Variants in PHACTR2 observed in about 807,000 individuals in gnomAD.
The protein encoded by PHACTR2 is phosphatase and actin regulator 2.
A neutral mutation model predicts 76.0 loss-of-function variants in PHACTR2; 30 were observed. That is an observed-to-expected ratio of 0.39 (90% CI 0.30 to 0.54). The LOEUF is 0.54. Ranked by LOEUF, PHACTR2 falls within the 20% of genes least tolerant of loss-of-function variation. The probability of loss-of-function intolerance (pLI) is 0.61; values close to 1 mark genes in which losing one functional copy is unlikely to be tolerated. For missense variants in PHACTR2, 696 were observed against 781.1 expected (o/e 0.89, Z 1.30); for synonymous variants, 292 against 292.5 (o/e 1.00, Z 0.02).
In PHACTR2 at chr6:143,662,161, G is replaced by A. The variant is rs1055965651; in HGVS notation, c.14-49855G>A. Among the ~76,000 whole-genome samples, 13 of 152,104 alleles carry A rather than the reference G, an allele frequency of 8.5e-5. No homozygotes were observed. The highest frequency in any genetic ancestry group is 3.1e-4 in the African/African-American group (13 of 41,428). ...GAGAATGTGTCAACATTCCCTAATT[G>A]AGAAGTAATTTGCAGTTACTGAAAT... On this transcript the variant is annotated intron_variant, in intron 1 of 11. Transcript: ENST00000305766. This position sits in a 1 kb window ranked among gnomAD's most constrained non-coding sequence, Gnocchi z 4.7.
In PHACTR2 at chr6:143,653,968, C is replaced by A. The variant is rs1776805408; in HGVS notation, c.13+45646C>A. ...GGAGGAAAGTTTTGTAATGTTGTAT[C>A]TGAAAAGGGAAGTATCTATATAGAG... On this transcript the variant is annotated intron_variant, in intron 1 of 11. Coordinates refer to the PHACTR2 transcript ENST00000305766. The surrounding 1 kb of genome is among the most constrained non-coding windows in gnomAD (Gnocchi z 4.9). Among the ~76,000 whole-genome samples, 1 of 152,078 alleles carries A rather than the reference C, an allele frequency of 6.6e-6. No individual in the cohort carries two copies. The highest frequency in any genetic ancestry group is 2.1e-4 in the South Asian group (1 of 4,836).
chr6:143,601,781 C>T (rs6909701), intron 1 of PHACTR2, among the ~76,000 whole-genome samples: 6 of 152,048 alleles, frequency 3.9e-5, no homozygotes, highest in African/African-American at 7.2e-5. Context: ...TACATTCCCA[C>T]GCTTTTTATG....
In PHACTR2 at chr6:143,711,998, A is replaced by G; in HGVS notation, c.47-18A>G. 1 of 1,602,908 alleles carries G rather than the reference A, an allele frequency of 6.2e-7. No homozygotes were observed. The highest frequency in any genetic ancestry group is 8.5e-7 in the Non-Finnish European group (1 of 1,173,810). ...CCTTTTTTACAACCTTTCTCTGTCT[A>G]TATCTTTCTTTATACAGTTGACGGA... On this transcript the variant is annotated intron_variant, in intron 1 of 12. Transcript: ENST00000440869.
rs1487193521 is a variant in PHACTR2 at position 143,679,697 on chromosome 6, G to C, written c.46+1488G>C. ...AAATTTTGCCTTAATAAAAATCAAG[G>C]AATATTATATAAATGATGTCTAAGA... On this transcript the variant is annotated intron_variant, in intron 1 of 12. Coordinates refer to ENST00000440869, the MANE Select transcript of PHACTR2 (RefSeq NM_001100164.2). This position sits in a 1 kb window ranked among gnomAD's most constrained non-coding sequence, Gnocchi z 4.6. 6.6e-6 allele frequency among the ~76,000 whole-genome samples: 1 copy of C among 151,928 alleles called. No individual in the cohort carries two copies. Among genetic ancestry groups the C allele is most frequent in the Admixed American group, 6.6e-5 (1 of 15,256 alleles).
rs1469863571 is a variant in PHACTR2, at chr6:143,827,583, G to C, written c.*3894G>C. Reference sequence around the variant, plus strand: ...ATTTACCCCTGAGTATGGTAGAATTGTTAAAGCATTCTTAAATTCCAATTA... The same window carrying C: ...ATTTACCCCTGAGTATGGTAGAATTCTTAAAGCATTCTTAAATTCCAATTA... On this transcript the variant is annotated 3_prime_UTR_variant, in exon 13 of 13. Transcript: ENST00000440869. 6.6e-6 allele frequency: 1 copy of C among 152,078 alleles called. No individual in the cohort carries two copies. The highest frequency in any genetic ancestry group is 1.9e-4 in the East Asian group (1 of 5,180). The allele number at this position is 152,078 out of a possible 1,614,324, so 9.4% of individuals were successfully genotyped here.
intron 6 of PHACTR2, among the ~76,000 whole-genome samples, chr6:143,771,279 AGG>A (rs1775134815): frequency 7.2e-6 from 1 of 138,238 alleles, no homozygotes; most frequent in Non-Finnish European, 1.6e-5. Context: ...TCTGTTACCC[AGG>A]CTGGAGTACA....
rs67052242 is a variant in PHACTR2, at chr6:143,593,046, C to CAAA, written c.217+55861_217+55863dup. Among the ~76,000 whole-genome samples the CAAA allele has an allele frequency of 8.6e-3, 679 of 78,848 alleles. 10 individuals are homozygous for CAAA. The highest frequency in any genetic ancestry group is 0.032 in the African/African-American group (636 of 19,858). The allele number at this position is 78,848 out of a possible 152,430, so 51.7% of individuals were successfully genotyped here. ...TGGGTGACAGAGCAAGACCCTGCCT[C>CAAA]AAAAAAAAAAAAAAAAAAAAAAAAG... On this transcript the variant is annotated intron_variant, in intron 1 of 11. Coordinates refer to the PHACTR2 transcript ENST00000367584.
rs968049225 is a variant in PHACTR2, at chr6:143,811,797, A to G, written c.1922+4664A>G. On this transcript the variant is annotated intron_variant, in intron 12 of 12. Coordinates refer to ENST00000440869, the MANE Select transcript of PHACTR2 (RefSeq NM_001100164.2). The surrounding 1 kb of genome is among the most constrained non-coding windows in gnomAD (Gnocchi z 4.1). ...TGTTTTCAGTAATTCTTTTAAGGGG[A>G]AAAAGTTCTGGTAATCACTACTCTT... Among the ~76,000 whole-genome samples, 2 of 152,192 alleles carry G rather than the reference A, an allele frequency of 1.3e-5. No individual in the cohort carries two copies. Among genetic ancestry groups the G allele is most frequent in the African/African-American group, 2.4e-5 (1 of 41,448 alleles).
At chr6:143,669,569 A>G (rs1011387200) in intron 1 of PHACTR2, among the ~76,000 whole-genome samples, 1 of 152,188 alleles carries the variant, frequency 6.6e-6, no homozygotes, top group East Asian at 1.9e-4. Context: ...TATTTTGTGC[A>G]TATATATTTA....
At chr6:143,702,389 G>A (rs547243603) in intron 1 of PHACTR2, among the ~76,000 whole-genome samples, 3 of 152,312 alleles carry the variant, frequency 2.0e-5, no homozygotes, top group East Asian at 3.9e-4. Context: ...TTACAGGCGT[G>A]AGCCACGGCA....
At chr6:143,629,929 T>C (rs1251110786) in intron 1 of PHACTR2, among the ~76,000 whole-genome samples, 3 of 152,102 alleles carry the variant, frequency 2.0e-5, no homozygotes, top group African/African-American at 7.2e-5. Flanking sequence ...CATCATAGCC[T>C]TCGTGAGTGA....
rs1051681248 is a variant in PHACTR2 at position 143,596,312 on chromosome 6, C to G, written c.217+59105C>G. Among the ~76,000 whole-genome samples, 5 of 151,942 alleles carry G rather than the reference C, an allele frequency of 3.3e-5. No homozygotes were observed. Among genetic ancestry groups the G allele is most frequent in the African/African-American group, 4.8e-5 (2 of 41,346 alleles). The stretch of plus-strand genomic sequence containing the variant: ...TGTTTTCCAAGTTGGGAGCGGCTAA[C>G]TAAGCGGGTCGTCCTTTCTCAGAAG... On this transcript the variant is annotated intron_variant, in intron 1 of 11. Transcript: ENST00000367584. The surrounding 1 kb of genome is among the most constrained non-coding windows in gnomAD (Gnocchi z 4.6).
In PHACTR2 at chr6:143,646,752, A is replaced by G. The variant is rs931738289; in HGVS notation, c.13+38430A>G. On this transcript the variant is annotated intron_variant, in intron 1 of 11. Transcript: ENST00000305766. The surrounding 1 kb of genome is among the most constrained non-coding windows in gnomAD (Gnocchi z 4.1). ...GTTTCTCATGGAATTTCCCCCAAGC[A>G]CTACTCTCTGAAGAGCCTGAAAAAG... 2.0e-5 allele frequency among the ~76,000 whole-genome samples: 3 copies of G among 152,200 alleles called. No individual in the cohort carries two copies. Among genetic ancestry groups the G allele is most frequent in the Non-Finnish European group, 4.4e-5 (3 of 68,030 alleles).
chr6:143,686,131 CAA>C (rs555725210), intron 1 of PHACTR2, among the ~76,000 whole-genome samples: 8 of 105,012 alleles, frequency 7.6e-5, no homozygotes, highest in African/African-American at 6.7e-5. Flanking sequence ...GATTCTGTCT[CAA>C]AAAAAAAAAA....
Position 143,831,118 on chromosome 6 carries a change from TA to T in PHACTR2, c.*7430del, listed in dbSNP as rs1201804327. On this transcript the variant is annotated 3_prime_UTR_variant, in exon 13 of 13. Transcript: ENST00000440869. This position sits in a 1 kb window ranked among gnomAD's most constrained non-coding sequence, Gnocchi z 5.2. ...ATATTGATGTTTTTATTGCCATTAT[TA>T]TATGTAAACATAAAAGATAGTCCAT... is the stretch of plus-strand genomic sequence containing the variant. 6.6e-6 allele frequency: 1 copy of T among 152,242 alleles called. No homozygotes were observed. The highest frequency in any genetic ancestry group is 1.5e-5 in the Non-Finnish European group (1 of 68,046). The allele number at this position is 152,242 out of a possible 1,614,324, so 9.4% of individuals were successfully genotyped here.
intron 11 of PHACTR2, among the ~76,000 whole-genome samples, chr6:143,805,569 T>A: frequency 6.6e-6 from 1 of 151,964 alleles, no homozygotes; most frequent in East Asian, 1.9e-4. Context: ...TCACTCTTTC[T>A]CCTTCTGGTT....
At position 143,793,901 on chromosome 6, in the gene PHACTR2, A is replaced by G. The variant is rs1427441041; in HGVS notation, c.1845+4991A>G. Among the ~76,000 whole-genome samples the G allele has an allele frequency of 6.6e-6, 1 of 152,108 alleles. No homozygotes were observed. The highest frequency in any genetic ancestry group is 1.5e-5 in the Non-Finnish European group (1 of 68,018). ...ACTCCAGCCTGGGCAACAGAGCTAG[A>G]CCTTATCTCAAAATAAATAAATAAA... On this transcript the variant is annotated intron_variant, in intron 11 of 12. Coordinates refer to ENST00000440869, the MANE Select transcript of PHACTR2 (RefSeq NM_001100164.2). The surrounding 1 kb of genome is among the most constrained non-coding windows in gnomAD (Gnocchi z 4.4).
In PHACTR2 at chr6:143,571,411, T is replaced by A. The variant is rs1775445598; in HGVS notation, c.217+34204T>A. Among the ~76,000 whole-genome samples, 1 of 152,168 alleles carries A rather than the reference T, an allele frequency of 6.6e-6. No homozygotes were observed. Among genetic ancestry groups the A allele is most frequent in the Non-Finnish European group, 1.5e-5 (1 of 68,028 alleles). On this transcript the variant is annotated intron_variant, in intron 1 of 11. Coordinates refer to the PHACTR2 transcript ENST00000367584. This position sits in a 1 kb window ranked among gnomAD's most constrained non-coding sequence, Gnocchi z 4.6. ...TATCCTATAATCCATTACTATCTAC[T>A]TTATTTCTTTTTTTAGAGACCCTCC...
At position 143,789,102 on chromosome 6, in the gene PHACTR2, C is replaced by T. The variant is rs1775620214; in HGVS notation, c.1845+192C>T. The T allele has an allele frequency of 1.1e-5, 5 of 467,304 alleles. No homozygotes were observed. The highest frequency in any genetic ancestry group is 9.6e-5 in the African/African-American group (5 of 52,330). The allele number at this position is 467,304 out of a possible 1,614,324, so 28.9% of individuals were successfully genotyped here. A position where few individuals can be genotyped will look rare whatever the true frequency, so the allele number is the denominator to read the frequency against. ...CAATGTAGTTCTTTCAACTAAGTCT[C>T]AGAGAAAAGTAGTTATTTACCATAT... On this transcript the variant is annotated intron_variant, in intron 11 of 12. Coordinates refer to ENST00000440869, the MANE Select transcript of PHACTR2 (RefSeq NM_001100164.2). The surrounding 1 kb of genome is among the most constrained non-coding windows in gnomAD (Gnocchi z 5.1).
Sources: gnomAD v4.1 joint callset for allele counts (sites outside exome capture counted in the v4.1 genomes callset) on GRCh38, gnomAD v4.1.1 for gene constraint, Gnocchi (gnomAD v3.1) non-coding constraint, MANE v1.5 for transcripts, NCBI Gene and HGNC (gene_info 2026-07-23, HGNC 2026-07-21) for gene names.